The following CFHR5 variants were observed in gnomAD, a reference collection of about 807,000 sequenced individuals.
CFHR5 encodes the protein complement factor H related 5.
A neutral mutation model predicts 62.9 loss-of-function variants in CFHR5; 73 were observed. That is an observed-to-expected ratio of 1.16 (90% confidence interval 0.96 to 1.41). CFHR5 has a LOEUF of 1.41. CFHR5 is among the 40% of genes most tolerant of loss of function. The pLI is 0.00. For missense variants in CFHR5, 779 were observed against 679.9 expected (o/e 1.15, Z -1.62); for synonymous variants, 249 against 227.2 (o/e 1.10, Z -0.86).
At chr1:197,008,310 C>G (rs927685708) in intron 9 of CFHR5, among the ~76,000 whole-genome samples, 177 bp from the exon 10 acceptor site, 1 of 151,440 alleles carries the variant, frequency 6.6e-6, no homozygotes, top group Non-Finnish European at 1.5e-5. Context: ...ATATGTAGCC[C>G]ATACACAGTG....
chr1:197,008,298 T>C (rs1324124917), intron 9 of CFHR5, among the ~76,000 whole-genome samples, 189 bp from the exon 10 acceptor site: 1 of 151,570 alleles, frequency 6.6e-6, no homozygotes, highest in Non-Finnish European at 1.5e-5. Context: ...ATTTATTTCC[T>C]CATATGTAGC....
chr1:196,980,455 TATG>T (rs2125025359), intron 1 of CFHR5, among the ~76,000 whole-genome samples: 1 of 152,272 alleles, frequency 6.6e-6, no homozygotes, highest in East Asian at 1.9e-4. Context: ...TACATTGGAT[TATG>T]ATGTTGTGGT....
chr1:196,998,102 T>C lies in CFHR5; in HGVS notation c.971-26T>C, dbSNP rs759391268. On this transcript the variant is annotated intron_variant, in intron 6 of 9. Coordinates refer to ENST00000256785, the MANE Select transcript of CFHR5 (RefSeq NM_030787.4). ...ATATTTTATTGACATAATTGTTTAG[T>C]TTCTATTTAATATTATTTTTTATAG... The C allele has an allele frequency of 1.0e-5, 14 of 1,376,146 alleles. No homozygotes were observed. In the East Asian group the frequency reaches 2.8e-4, roughly 27 times the overall value. The allele number at this position is 1,376,146 out of a possible 1,614,324, so 85.2% of individuals were successfully genotyped here.
rs757843146 is a variant in CFHR5, at chr1:196,977,727, G to A, written c.58+5G>A. 2.5e-6 allele frequency: 4 copies of A among 1,606,510 alleles called. No homozygotes were observed. Among genetic ancestry groups the A allele is most frequent in the South Asian group, 1.1e-5 (1 of 90,810 alleles). On this transcript the variant is annotated splice_donor_5th_base_variant and intron_variant, in intron 1 of 9. Coordinates refer to ENST00000256785, the MANE Select transcript of CFHR5 (RefSeq NM_030787.4). ...TATCCACTGTTGGGGGAGAAGGTAA[G>A]TTGAAAACAGATCCGAATATTTTAG... is the stretch of plus-strand genomic sequence containing the variant.
At chr1:196,979,508 G>A (rs1261292009) in intron 1 of CFHR5, among the ~76,000 whole-genome samples, 1 of 151,956 alleles carries the variant, frequency 6.6e-6, no homozygotes, top group East Asian at 1.9e-4. Context: ...GTAAGAATGT[G>A]TTTACCTAAA....
chr1:196,981,200 T>A (rs1653532309), intron 1 of CFHR5, among the ~76,000 whole-genome samples: 1 of 152,140 alleles, frequency 6.6e-6, no homozygotes, highest in Admixed American at 6.5e-5. Context: ...CAATTTCTTA[T>A]GCAGCAATGC....
chr1:197,005,170 G>A (rs1269252091), intron 9 of CFHR5, among the ~76,000 whole-genome samples: 1 of 152,088 alleles, frequency 6.6e-6, no homozygotes, highest in Non-Finnish European at 1.5e-5. Flanking sequence ...ACTTCTCACA[G>A]AGACCCTTTG....
upstream of CFHR5, among the ~76,000 whole-genome samples, chr1:196,975,058 C>A (rs996615955): frequency 2.6e-5 from 4 of 152,124 alleles, no homozygotes; most frequent in Non-Finnish European, 5.9e-5. Flanking sequence ...ATGGTGAAGC[C>A]TTTGAGACAG....
intron 7 of CFHR5, among the ~76,000 whole-genome samples, chr1:197,001,146 T>G (rs150524673): frequency 1.3e-5 from 2 of 152,272 alleles, no homozygotes; most frequent in Admixed American, 1.3e-4. Flanking sequence ...TACTTTAAGT[T>G]CACGCTTTTC....
At chr1:196,980,591 C>CGTGTGTGTGTGTGT (rs57437038) in intron 1 of CFHR5, among the ~76,000 whole-genome samples, 1 of 145,440 alleles carries the variant, frequency 6.9e-6, no homozygotes, top group Admixed American at 6.9e-5. Context: ...TGTATATATA[C>CGTGTGTGTGTGTGT]GTGTGTGTGT....
chr1:197,002,844 T>C (rs528120499), intron 8 of CFHR5, among the ~76,000 whole-genome samples, 180 bp downstream of exon 8: 27 of 152,294 alleles, frequency 1.8e-4, no homozygotes, highest in African/African-American at 6.5e-4. Flanking sequence ...TCTCCAACAG[T>C]GTTCATAGAA....
intron 9 of CFHR5, among the ~76,000 whole-genome samples, chr1:197,007,039 G>A (rs767789128): frequency 6.6e-6 from 1 of 151,830 alleles, no homozygotes; most frequent in Non-Finnish European, 1.5e-5. Context: ...GTTTCACCCT[G>A]TTGGCCAGGC....
chr1:197,002,154 GGTTA>G (rs1302576697), intron 7 of CFHR5, among the ~76,000 whole-genome samples: 2 of 151,562 alleles, frequency 1.3e-5, no homozygotes, highest in African/African-American at 4.8e-5. Context: ...GAATCATATG[GGTTA>G]GTTAGAAAAA....
chr1:197,002,623 T>C lies in CFHR5; in HGVS notation c.1289T>C (p.Val430Ala), dbSNP rs781262039. ...CTACTTCCAGAAGCAAAAGAAATTG[T>C]ATGTAAAGATGGACGATGGCAATCA... Reference protein sequence around the residue: ...NYLLPEAKEIVCKDGRWQSLP... With the variant: ...NYLLPEAKEIACKDGRWQSLP... The change falls in exon 8 of 10, where the codon GTA becomes GCA. Residue 430 changes from valine to alanine, a missense_variant. Val to Ala is a moderately conservative substitution (Grantham distance 64). Transcript: ENST00000256785. 1.2e-5 allele frequency: 19 copies of C among 1,613,642 alleles called. No homozygotes were observed. The East Asian group carries it at 4.2e-4, about 36-fold the overall frequency.
In CFHR5 at chr1:197,002,643, C is replaced by A; in HGVS notation, c.1309C>A (p.Gln437Lys). The A allele has an allele frequency of 6.2e-7, 1 of 1,613,072 alleles. No homozygotes were observed. The highest frequency in any genetic ancestry group is 8.5e-7 in the Non-Finnish European group (1 of 1,179,294). Residue 437 changes from glutamine to lysine, a missense_variant, in exon 8 of 10, where the codon CAA becomes AAA. By Grantham distance (53) the Gln-to-Lys change is moderately conservative (BLOSUM62 1). Coordinates refer to ENST00000256785, the MANE Select transcript of CFHR5 (RefSeq NM_030787.4). ...AATTGTATGTAAAGATGGACGATGGCAATCATTACCACGCTGTGTTGGTTA... is the reference window on the plus strand; with the variant it reads ...AATTGTATGTAAAGATGGACGATGGAAATCATTACCACGCTGTGTTGGTTA... ...KEIVCKDGRW[Q>K]SLPRCVESTA...
intron 7 of CFHR5, among the ~76,000 whole-genome samples, chr1:196,999,730 C>CAG (rs1654090332): frequency 1.4e-5 from 1 of 73,194 alleles, no homozygotes; most frequent in Non-Finnish European, 2.9e-5. Context: ...TATACACACA[C>CAG]ACACATATAT....
At chr1:196,980,878 A>T (rs1277495833) in intron 1 of CFHR5, among the ~76,000 whole-genome samples, 2 of 152,164 alleles carry the variant, frequency 1.3e-5, no homozygotes, top group Non-Finnish European at 1.5e-5. Flanking sequence ...GTAAGTACAT[A>T]TGCATGAAAA....
intron 6 of CFHR5, among the ~76,000 whole-genome samples, chr1:196,996,761 A>G (rs1031291468): frequency 1.3e-5 from 2 of 152,064 alleles, no homozygotes; most frequent in African/African-American, 4.8e-5. Flanking sequence ...GGACCCAGGA[A>G]CTAGGCATGA....
At chr1:196,978,100 T>C (rs2125024228) in intron 1 of CFHR5, among the ~76,000 whole-genome samples, 1 of 152,290 alleles carries the variant, frequency 6.6e-6, no homozygotes, top group South Asian at 2.1e-4. Flanking sequence ...CTTCATTATG[T>C]TTTGAGAATT....
Sources: allele counts gnomAD v4.1 joint callset (sites outside exome capture counted in the v4.1 genomes callset), GRCh38; gene constraint gnomAD v4.1.1; transcripts MANE v1.5; gene names NCBI Gene and HGNC (gene_info 2026-07-23, HGNC 2026-07-21).